CRTC3: variants seen among roughly 807,000 people sequenced by gnomAD.
The protein encoded by CRTC3 is CREB-regulated transcription coactivator 3.
A neutral mutation model predicts 74.5 loss-of-function variants in CRTC3; 26 were observed. The ratio of observed to expected loss-of-function variants is 0.35; its 90% CI spans 0.26 to 0.48. The LOEUF is 0.48. CRTC3 is among the 20% of genes least tolerant of loss of function. CRTC3 has a pLI of 0.99. For missense variants in CRTC3, 760 were observed against 787.3 expected (o/e 0.97, Z 0.41); for synonymous variants, 377 against 325.8 (o/e 1.16, Z -1.69).
At chr15:90,532,957 C>T (rs553080550) in intron 1 of CRTC3, among the ~76,000 whole-genome samples, 8 of 151,150 alleles carry the variant, frequency 5.3e-5, no homozygotes, top group South Asian at 2.1e-4. Context: ...TGGTGGCGTG[C>T]GCCTGTAGTT....
At chr15:90,565,230 G>C (rs1306749564) in intron 2 of CRTC3, among the ~76,000 whole-genome samples, 4 of 152,164 alleles carry the variant, frequency 2.6e-5, no homozygotes, top group African/African-American at 7.2e-5. Context: ...TTACAGGTGT[G>C]AGCCACCGTG....
At chr15:90,565,178 C>G (rs1249565873) in intron 2 of CRTC3, among the ~76,000 whole-genome samples, 1 of 152,150 alleles carries the variant, frequency 6.6e-6, no homozygotes, top group Non-Finnish European at 1.5e-5. Flanking sequence ...GAACTCCCGA[C>G]CTCATGTGAT....
intron 11 of CRTC3, among the ~76,000 whole-genome samples, chr15:90,630,602 G>C (rs1969001262): frequency 6.6e-6 from 1 of 152,122 alleles, no homozygotes; most frequent in East Asian, 1.9e-4. Context: ...AACAGAGTGA[G>C]ACCCTGTCTC....
intron 13 of CRTC3, among the ~76,000 whole-genome samples, chr15:90,639,936 C>G (rs964785852): frequency 1.3e-5 from 2 of 151,968 alleles, no homozygotes; most frequent in Non-Finnish European, 2.9e-5. Context: ...GTAGTCCCAG[C>G]TACTCGGGAG....
In CRTC3 at chr15:90,560,920, A is replaced by G. The variant is rs13340871; in HGVS notation, c.231+20783A>G. On this transcript the variant is annotated intron_variant, in intron 2 of 14. Transcript: ENST00000268184. ...ATACAAGCCCTTTTCTTGATCAAGC[A>G]ATTTAGTAAGTCTCTGTCATAAGTC... Among the ~76,000 whole-genome samples the G allele has an allele frequency of 3.6e-3, 551 of 152,306 alleles. 4 individuals are homozygous for G. The highest frequency in any genetic ancestry group is 0.013 in the African/African-American group (522 of 41,550).
At chr15:90,541,828 C>G (rs963913984) in intron 2 of CRTC3, among the ~76,000 whole-genome samples, 1 of 148,944 alleles carries the variant, frequency 6.7e-6, no homozygotes, top group African/African-American at 2.5e-5. Flanking sequence ...CTCTGTCGCC[C>G]AGGCAGGAGT....
intron 2 of CRTC3, among the ~76,000 whole-genome samples, chr15:90,551,796 T>C (rs1270116589): frequency 1.6e-4 from 1 of 6,214 alleles, no homozygotes; most frequent in Admixed American, 9.4e-4. Context: ...CTGCTCTGAG[T>C]ACAAGCATTT....
intron 1 of CRTC3, among the ~76,000 whole-genome samples, chr15:90,531,673 A>G (rs1343871162): frequency 6.6e-6 from 1 of 152,192 alleles, no homozygotes; most frequent in Non-Finnish European, 1.5e-5. Context: ...TTAGATTCAG[A>G]GATGAACTCG....
At chr15:90,560,852 C>T (rs948803647) in intron 2 of CRTC3, among the ~76,000 whole-genome samples, 18 of 152,176 alleles carry the variant, frequency 1.2e-4, no homozygotes, top group African/African-American at 3.6e-4. Flanking sequence ...TCTTGTAAGC[C>T]GCTTGGGGGG....
chr15:90,537,684 C>CT (rs1171672195), intron 1 of CRTC3, among the ~76,000 whole-genome samples: 6 of 151,912 alleles, frequency 3.9e-5, no homozygotes, highest in Admixed American at 2.0e-4. Flanking sequence ...TGCTCCTGGC[C>CT]TTTTTTTTGA....
intron 2 of CRTC3, among the ~76,000 whole-genome samples, chr15:90,589,303 C>T (rs960394934): frequency 6.6e-6 from 1 of 152,128 alleles, no homozygotes; most frequent in Non-Finnish European, 1.5e-5. Context: ...GATCCACCTG[C>T]GTAGGCCTCC....
Position 90,641,158 on chromosome 15 carries a change from C to T in CRTC3, c.1610C>T (p.Pro537Leu), listed in dbSNP as rs201280022. ...GACTCTTTTCATTTGAGACCAAGCCCGTATTCCAACTGCGGGAGTCTCCCG... is the reference window on the plus strand; with the variant it reads ...GACTCTTTTCATTTGAGACCAAGCCTGTATTCCAACTGCGGGAGTCTCCCG... ...LQDSFHLRPS[P>L]YSNCGSLPNT... Residue 537 changes from proline to leucine, a missense_variant, in exon 14 of 15, where the codon CCG becomes CTG. Pro to Leu is a moderately conservative substitution (Grantham distance 98, BLOSUM62 -3). Coordinates refer to ENST00000268184, the MANE Select transcript of CRTC3 (RefSeq NM_022769.5). 46 of 1,613,954 alleles carry T rather than the reference C, an allele frequency of 2.9e-5. No individual in the cohort carries two copies. The highest frequency in any genetic ancestry group is 8.3e-5 in the Admixed American group (5 of 60,002).
At chr15:90,641,895 T>A (rs768605187) in intron 14 of CRTC3, 37 bp from the exon 15 acceptor site, 130 of 1,599,910 alleles carry the variant, frequency 8.1e-5, no homozygotes, top group Middle Eastern at 2.1e-4. Context: ...TCGCGCCTCC[T>A]AACCGCACTG....
At chr15:90,586,659 C>G (rs1384457549) in intron 2 of CRTC3, among the ~76,000 whole-genome samples, 6 of 151,912 alleles carry the variant, frequency 3.9e-5, no homozygotes, top group Non-Finnish European at 7.4e-5. Context: ...CGTGCCTGGC[C>G]CTGTAGAACT....
intron 2 of CRTC3, among the ~76,000 whole-genome samples, chr15:90,587,311 C>T (rs1256758143): frequency 6.6e-6 from 1 of 152,182 alleles, no homozygotes. Context: ...TAGCTCTAAA[C>T]TTCTACCTGG....
chr15:90,612,952 A>G (rs141854662), intron 6 of CRTC3, among the ~76,000 whole-genome samples: 225 of 152,260 alleles, frequency 1.5e-3, no homozygotes, highest in African/African-American at 5.1e-3. Flanking sequence ...TAATCCCAGC[A>G]CTTTGGGAGG....
chr15:90,624,438 C>T (rs1436230440), intron 9 of CRTC3, among the ~76,000 whole-genome samples: 1 of 152,018 alleles, frequency 6.6e-6, no homozygotes, highest in Non-Finnish European at 1.5e-5. Context: ...GAGAACAGCA[C>T]ATTCTCTCCC....
At chr15:90,639,330 C>T (rs1474745019) in intron 13 of CRTC3, among the ~76,000 whole-genome samples, 1 of 152,008 alleles carries the variant, frequency 6.6e-6, no homozygotes, top group Non-Finnish European at 1.5e-5. Flanking sequence ...TAGTTTTTTC[C>T]TAACATTGAC....
rs377164609 is a variant in CRTC3, at chr15:90,642,167, T to C, written c.*27T>C. 3.8e-6 allele frequency: 6 copies of C among 1,597,550 alleles called. No homozygotes were observed. The East Asian group carries it at 6.7e-5, about 18-fold the overall frequency. On this transcript the variant is annotated 3_prime_UTR_variant, in exon 15 of 15. Transcript: ENST00000268184. ...CAGAAGGCAGTGGAACAGAAGAATG[T>C]TTTTCTGCAACAGCCAAAATAGAAT...
Sources: gnomAD v4.1 joint callset for allele counts (sites outside exome capture counted in the v4.1 genomes callset) on GRCh38, gnomAD v4.1.1 for gene constraint, MANE v1.5 for transcripts, NCBI Gene and HGNC (gene_info 2026-07-23, HGNC 2026-07-21) for gene names.